The following SNX10 variants were observed in gnomAD, a reference collection of about 807,000 sequenced individuals.
SNX10 encodes the protein sorting nexin-10.
SNX10 carries 25 observed loss-of-function variants against 28.5 expected under a neutral mutation model. That is an observed-to-expected ratio of 0.88 (90% CI 0.64 to 1.22). The LOEUF (loss-of-function observed/expected upper bound fraction) is 1.22, where lower values mean the gene tolerates loss of function less well. Ranked by LOEUF, SNX10 falls within the 50% of genes most tolerant of loss-of-function variation. The pLI, the probability that SNX10 is intolerant of heterozygous loss-of-function variation, is 0.00. For missense variants in SNX10, 223 were observed against 242.6 expected, an observed-to-expected ratio of 0.92 and a Z score of 0.54; for synonymous variants, 62 against 81.4, an observed-to-expected ratio of 0.76 and a Z score of 1.28.
At chr7:26,353,644 G>A (rs1788703723) in intron 2 of SNX10, among the ~76,000 whole-genome samples, 2 of 151,956 alleles carry the variant, frequency 1.3e-5, no homozygotes, top group South Asian at 4.2e-4. Flanking sequence ...CAGAGACGGG[G>A]TTTCACCATG....
intron 1 of SNX10, among the ~76,000 whole-genome samples, chr7:26,296,266 A>G (rs1786107447): frequency 6.6e-6 from 1 of 151,784 alleles, no homozygotes; most frequent in African/African-American, 2.4e-5. Context: ...AAGAAGACTA[A>G]AAGAGTTGGG....
At chr7:26,352,250 A>G (rs147269295) in intron 2 of SNX10, among the ~76,000 whole-genome samples, 1 of 152,182 alleles carries the variant, frequency 6.6e-6, no homozygotes, top group Non-Finnish European at 1.5e-5. Context: ...AATGTAGGTT[A>G]TGCTCCTGTT....
intron 1 of SNX10, among the ~76,000 whole-genome samples, chr7:26,296,151 A>G (rs998771362): frequency 8.6e-5 from 13 of 152,020 alleles, no homozygotes; most frequent in African/African-American, 2.9e-4. Context: ...AAATAAATAA[A>G]TACAAATAAC....
At chr7:26,302,314 A>G (rs1786401355) in intron 1 of SNX10, among the ~76,000 whole-genome samples, 1 of 152,102 alleles carries the variant, frequency 6.6e-6, no homozygotes, top group South Asian at 2.1e-4. Flanking sequence ...CACAGCTCTC[A>G]TCAGTGTAGG....
chr7:26,370,852 G>T (rs1032183580), intron 5 of SNX10: 3 of 152,132 alleles, frequency 2.0e-5, no homozygotes, highest in African/African-American at 7.2e-5. Flanking sequence ...TCTGGTCTTA[G>T]TGTCTCCTCT....
chr7:26,340,592 G>T (rs1398449141), intron 1 of SNX10, among the ~76,000 whole-genome samples: 3 of 152,190 alleles, frequency 2.0e-5, no homozygotes, highest in African/African-American at 7.2e-5. Context: ...TGCTCTCAGG[G>T]CAGTGGGGTT....
chr7:26,296,154 C>A (rs1388359228), intron 1 of SNX10, among the ~76,000 whole-genome samples: 1 of 151,996 alleles, frequency 6.6e-6, no homozygotes, highest in Non-Finnish European at 1.5e-5. Flanking sequence ...TAAATAAATA[C>A]AAATAACCCC....
chr7:26,303,483 A>G (rs1786456695), intron 1 of SNX10, among the ~76,000 whole-genome samples: 1 of 152,110 alleles, frequency 6.6e-6, no homozygotes, highest in Non-Finnish European at 1.5e-5. Context: ...CCTCTGATGC[A>G]GTCTTTCAGG....
At chr7:26,342,614 A>T (rs909104030) in intron 1 of SNX10, among the ~76,000 whole-genome samples, 2 of 152,164 alleles carry the variant, frequency 1.3e-5, no homozygotes. Context: ...TATTACTTTA[A>T]AAAGTTTAAA....
At chr7:26,359,707 AGGCTGGAGTGCAGTGATGCGATCTC>A in intron 2 of SNX10, among the ~76,000 whole-genome samples, 2 of 151,236 alleles carry the variant, frequency 1.3e-5, no homozygotes. Flanking sequence ...CTCTGTCGCC[AGGCTGGAGTGCAGTGATGCGATCTC>A]GGCTCACTGC....
intron 1 of SNX10, among the ~76,000 whole-genome samples, chr7:26,309,551 CT>C (rs1360367711): frequency 3.3e-5 from 5 of 152,106 alleles, no homozygotes; most frequent in African/African-American, 7.2e-5. Flanking sequence ...AGTATTACCT[CT>C]TTTCGGAAGA....
intron 5 of SNX10, among the ~76,000 whole-genome samples, chr7:26,367,693 T>C (rs1789350911): frequency 6.6e-6 from 1 of 152,004 alleles, no homozygotes; most frequent in African/African-American, 2.4e-5. Flanking sequence ...CCAACCAGGG[T>C]CCACTCTAGG....
intron 1 of SNX10, among the ~76,000 whole-genome samples, chr7:26,311,398 G>A (rs1266980531): frequency 2.0e-5 from 3 of 151,950 alleles, no homozygotes; most frequent in East Asian, 1.9e-4. Flanking sequence ...CGATTCTCCC[G>A]CCTCGGCCTC....
chr7:26,360,950 T>A (rs1274196827), intron 2 of SNX10, 25 bp from the exon 3 acceptor site: 3 of 1,611,812 alleles, frequency 1.9e-6, no homozygotes, highest in African/African-American at 2.7e-5. Flanking sequence ...TGAAGAATAT[T>A]TCTTTGTTTA....
chr7:26,308,436 A>G (rs910565423), intron 1 of SNX10, among the ~76,000 whole-genome samples: 3 of 152,176 alleles, frequency 2.0e-5, no homozygotes, highest in African/African-American at 7.2e-5. Context: ...GTATTGGGTC[A>G]TGTCCTTTTT....
chr7:26,324,826 A>G (rs1331284260), intron 1 of SNX10, among the ~76,000 whole-genome samples: 1 of 152,146 alleles, frequency 6.6e-6, no homozygotes, highest in Non-Finnish European at 1.5e-5. Flanking sequence ...TCTGTTTTTC[A>G]AATTTCCTGA....
chr7:26,314,265 T>G (rs1325427333), intron 1 of SNX10, among the ~76,000 whole-genome samples: 1 of 34,774 alleles, frequency 2.9e-5, no homozygotes, highest in African/African-American at 9.1e-5. Flanking sequence ...TACTGTTCAA[T>G]TTTTTTTTTT....
chr7:26,370,861 C>T (rs1789500025), intron 5 of SNX10: 1 of 152,136 alleles, frequency 6.6e-6, no homozygotes, highest in Non-Finnish European at 1.5e-5. Flanking sequence ...AGTGTCTCCT[C>T]TTACATAATT....
intron 1 of SNX10, among the ~76,000 whole-genome samples, chr7:26,298,685 G>A (rs1178564405): frequency 6.6e-6 from 1 of 152,188 alleles, no homozygotes; most frequent in Admixed American, 6.5e-5. Flanking sequence ...TAGTCAGTTT[G>A]GGCTGCCATA....
Sources: allele counts gnomAD v4.1 joint callset (sites outside exome capture counted in the v4.1 genomes callset), GRCh38; gene constraint gnomAD v4.1.1; transcripts MANE v1.5; gene names NCBI Gene and HGNC (gene_info 2026-07-23, HGNC 2026-07-21).